The following VAV3 variants were observed in gnomAD, a reference collection of about 807,000 sequenced individuals.
VAV3 encodes the protein guanine nucleotide exchange factor VAV3.
In VAV3, 94 loss-of-function variants were observed where a neutral mutation model predicts 131.2. That is an observed-to-expected ratio of 0.72 (90% CI 0.61 to 0.85). VAV3 has a LOEUF of 0.85. Ranked by LOEUF, VAV3 falls within the 40% of genes least tolerant of loss-of-function variation. The probability of loss-of-function intolerance (pLI) is 0.00; values close to 1 mark genes in which losing one functional copy is unlikely to be tolerated. For missense variants in VAV3, 939 were observed against 1,002.7 expected, an observed-to-expected ratio of 0.94 and a Z score of 0.86; for synonymous variants, 349 against 342.0, an observed-to-expected ratio of 1.02 and a Z score of -0.22.
At chr1:107,621,098 T>TTTTG (rs1389362942) in intron 20 of VAV3, among the ~76,000 whole-genome samples, 1 of 151,764 alleles carries the variant, frequency 6.6e-6, no homozygotes, top group Non-Finnish European at 1.5e-5. Context: ...CATTTTTTTT[T>TTTTG]TTTTACCTCT....
At chr1:107,787,969 C>T (rs1317631258) in intron 2 of VAV3, among the ~76,000 whole-genome samples, 2 of 152,074 alleles carry the variant, frequency 1.3e-5, no homozygotes, top group African/African-American at 4.8e-5. Flanking sequence ...CCACTCCTCT[C>T]CTTCACCTGG....
chr1:107,636,165 G>T (rs1465579798), intron 20 of VAV3, among the ~76,000 whole-genome samples: 6 of 152,180 alleles, frequency 3.9e-5, no homozygotes, highest in Non-Finnish European at 8.8e-5. Flanking sequence ...AGAAATTATG[G>T]AATTGCATTT....
chr1:107,897,208 G>T (rs1671626965), intron 1 of VAV3: 1 of 151,332 alleles, frequency 6.6e-6, no homozygotes, highest in South Asian at 2.1e-4. Flanking sequence ...AATATATATT[G>T]AACAACTAAA....
intron 25 of VAV3, among the ~76,000 whole-genome samples, chr1:107,589,711 C>CA (rs1411815001): frequency 6.6e-6 from 1 of 151,432 alleles, no homozygotes; most frequent in Non-Finnish European, 1.5e-5. Context: ...GAAAAGATGA[C>CA]AAAAAAACTG....
At chr1:107,692,948 A>C (rs549376297) in intron 17 of VAV3, among the ~76,000 whole-genome samples, 2 of 152,282 alleles carry the variant, frequency 1.3e-5, no homozygotes, top group East Asian at 3.9e-4. Flanking sequence ...TCAATGTCAG[A>C]GTAAGAAGTG....
At chr1:107,589,698 G>A (rs930641234) in intron 25 of VAV3, among the ~76,000 whole-genome samples, 17 of 152,026 alleles carry the variant, frequency 1.1e-4, no homozygotes, top group South Asian at 6.2e-4. Context: ...CAAAATGACC[G>A]AGGAAAAGAT....
intron 19 of VAV3, among the ~76,000 whole-genome samples, chr1:107,649,182 A>T (rs547333424): frequency 1.3e-5 from 2 of 152,062 alleles, no homozygotes; most frequent in Non-Finnish European, 2.9e-5. Flanking sequence ...TTCTTTCTAC[A>T]TAAGGTTATT....
intron 19 of VAV3, among the ~76,000 whole-genome samples, chr1:107,648,306 T>A (rs1570680745): frequency 6.6e-6 from 1 of 152,148 alleles, no homozygotes; most frequent in South Asian, 2.1e-4. Flanking sequence ...TATTAGTGAA[T>A]CATGAATCAA....
intron 2 of VAV3, among the ~76,000 whole-genome samples, chr1:107,817,181 A>G (rs1667596360): frequency 6.6e-6 from 1 of 152,210 alleles, no homozygotes; most frequent in Non-Finnish European, 1.5e-5. Context: ...CAGACAAAAA[A>G]TTCTAAAGAT....
At chr1:107,689,380 A>C (rs1659257529) in intron 17 of VAV3, among the ~76,000 whole-genome samples, 1 of 152,098 alleles carries the variant, frequency 6.6e-6, no homozygotes, top group Non-Finnish European at 1.5e-5. Context: ...GATTCTAAGA[A>C]GCTCCCAGCC....
chr1:107,841,986 C>G (rs754952303), intron 2 of VAV3, among the ~76,000 whole-genome samples: 2 of 152,010 alleles, frequency 1.3e-5, no homozygotes, highest in African/African-American at 2.4e-5. Context: ...ATTTATGGCT[C>G]TCATATTTCT....
At chr1:107,931,999 G>T (rs1673460169) in intron 1 of VAV3, among the ~76,000 whole-genome samples, 1 of 152,094 alleles carries the variant, frequency 6.6e-6, no homozygotes, top group Non-Finnish European at 1.5e-5. Flanking sequence ...TTTTTCTTAT[G>T]GCCAACCAGC....
At chr1:107,654,637 T>G (rs750771004) in intron 19 of VAV3, among the ~76,000 whole-genome samples, 1 of 152,080 alleles carries the variant, frequency 6.6e-6, no homozygotes, top group Non-Finnish European at 1.5e-5. Context: ...ATCCTTAGTC[T>G]AATTATCTCC....
chr1:107,716,496 T>C (rs1661100440), intron 15 of VAV3, among the ~76,000 whole-genome samples: 1 of 152,202 alleles, frequency 6.6e-6, no homozygotes, highest in Admixed American at 6.6e-5. Flanking sequence ...GATAATCATG[T>C]GGTTTTTGTC....
chr1:107,814,811 G>T (rs1667496005), intron 2 of VAV3, among the ~76,000 whole-genome samples: 1 of 152,174 alleles, frequency 6.6e-6, no homozygotes, highest in African/African-American at 2.4e-5. Context: ...TTGCAGGACA[G>T]ATCCAAGAGA....
At chr1:107,622,788 T>C (rs1001903215) in intron 20 of VAV3, among the ~76,000 whole-genome samples, 1 of 152,150 alleles carries the variant, frequency 6.6e-6, no homozygotes, top group African/African-American at 2.4e-5. Flanking sequence ...CTGTCAGAAA[T>C]ACACAGGTTG....
intron 19 of VAV3, among the ~76,000 whole-genome samples, chr1:107,658,222 A>C (rs1483060954): frequency 2.0e-5 from 3 of 152,114 alleles, no homozygotes; most frequent in Non-Finnish European, 4.4e-5. Context: ...TCTTGCGATA[A>C]TTTGCTGAGA....
At chr1:107,633,419 G>A (rs1654657050) in intron 20 of VAV3, among the ~76,000 whole-genome samples, 1 of 152,130 alleles carries the variant, frequency 6.6e-6, no homozygotes, top group Non-Finnish European at 1.5e-5. Flanking sequence ...TCAACATTTT[G>A]TGTTTGGCTT....
chr1:107,829,268 C>A (rs1373332713), intron 2 of VAV3, among the ~76,000 whole-genome samples: 1 of 152,146 alleles, frequency 6.6e-6, no homozygotes, highest in Non-Finnish European at 1.5e-5. Context: ...TGGGTTGACT[C>A]ACTGTATGAT....
Sources: allele counts gnomAD v4.1 joint callset (sites outside exome capture counted in the v4.1 genomes callset), GRCh38; gene constraint gnomAD v4.1.1; transcripts MANE v1.5; gene names NCBI Gene and HGNC (gene_info 2026-07-23, HGNC 2026-07-21).